RHOA: variants seen among roughly 807,000 people sequenced by gnomAD.
RHOA encodes the protein transforming protein RhoA.
RHOA carries 3 observed loss-of-function variants against 17.5 expected under a neutral mutation model. The ratio of observed to expected loss-of-function variants is 0.17; its 90% confidence interval spans 0.08 to 0.44. RHOA has a LOEUF of 0.44. Among genes scored for constraint, RHOA ranks in the 20% least tolerant of loss-of-function variants. RHOA has a pLI of 0.99. For missense variants in RHOA, 56 were observed against 242.3 expected (o/e 0.23, Z 5.10); for synonymous variants, 98 against 88.4 (o/e 1.11, Z -0.61).
At chr3:49,393,007 T>C (rs2048534763) in intron 1 of RHOA, among the ~76,000 whole-genome samples, 1 of 151,844 alleles carries the variant, frequency 6.6e-6, no homozygotes, top group Non-Finnish European at 1.5e-5. Flanking sequence ...TCAAACCCCG[T>C]CTCTACTAAA....
intron 1 of RHOA, among the ~76,000 whole-genome samples, chr3:49,392,792 C>T (rs959962796): frequency 6.6e-6 from 1 of 152,206 alleles, no homozygotes; most frequent in Non-Finnish European, 1.5e-5. Flanking sequence ...CTGTTCTAAA[C>T]ATGTCTCCCA....
chr3:49,407,407 G>A (rs796379611), intron 1 of RHOA, among the ~76,000 whole-genome samples: 1 of 151,860 alleles, frequency 6.6e-6, no homozygotes, highest in Non-Finnish European at 1.5e-5. Context: ...CTAATGTTTT[G>A]TATTTTTAGT....
intron 1 of RHOA, among the ~76,000 whole-genome samples, chr3:49,397,131 A>C (rs2048629413): frequency 6.9e-6 from 1 of 145,102 alleles, no homozygotes; most frequent in Non-Finnish European, 1.5e-5. Flanking sequence ...TCCTGTCTCA[A>C]AAAAAAAAAA....
At chr3:49,400,219 A>AC (rs1559516671) in intron 1 of RHOA, among the ~76,000 whole-genome samples, 5 of 9,818 alleles carry the variant, frequency 5.1e-4, no homozygotes, top group African/African-American at 6.0e-4. Flanking sequence ...CTCAAAAAAA[A>AC]AAAAAAACAA....
intron 1 of RHOA, among the ~76,000 whole-genome samples, chr3:49,392,060 C>T (rs1177857506): frequency 6.6e-6 from 1 of 150,780 alleles, no homozygotes; most frequent in Non-Finnish European, 1.5e-5. Context: ...ACTCCTATCT[C>T]AAGTGATCCA....
chr3:49,360,217 C>T lies in RHOA; in HGVS notation c.574G>A (p.Val192Ile), dbSNP rs755060419. The T allele has an allele frequency of 6.2e-7, 1 of 1,613,156 alleles. No homozygotes were observed. Among genetic ancestry groups the T allele is most frequent in the South Asian group, 1.1e-5 (1 of 90,844 alleles). The change falls in exon 5 of 5, where the codon GTC (valine) becomes ATC (isoleucine). Residue 192 changes from valine (V) to isoleucine (I), a missense_variant. Transcript: ENST00000418115. Reference protein sequence around the residue: ...RRGKKKSGCLVL With the variant: ...RRGKKKSGCLIL ...GTGCTTGCAGCAAGGTTTCACAAGACAAGGCACCCAGATTTTTTCTTCCCA... is the reference window on the plus strand; with the variant it reads ...GTGCTTGCAGCAAGGTTTCACAAGATAAGGCACCCAGATTTTTTCTTCCCA...
At chr3:49,395,045 C>T (rs1056297519) in intron 1 of RHOA, among the ~76,000 whole-genome samples, 1 of 151,438 alleles carries the variant, frequency 6.6e-6, no homozygotes, top group East Asian at 2.0e-4. Flanking sequence ...GTCAGGAGAT[C>T]GAGACCATCT....
chr3:49,408,251 CAT>C (rs1226863751), intron 1 of RHOA, among the ~76,000 whole-genome samples: 14 of 130,950 alleles, frequency 1.1e-4, no homozygotes, highest in Non-Finnish European at 1.7e-4. Context: ...TATATGTACA[CAT>C]ATATATACGT....
At chr3:49,389,716 CG>C (rs1310705846) in intron 1 of RHOA, among the ~76,000 whole-genome samples, 1 of 151,484 alleles carries the variant, frequency 6.6e-6, no homozygotes, top group Non-Finnish European at 1.5e-5. Context: ...CCGAGGCAGG[CG>C]GATCACGAGG....
At chr3:49,360,416 A>C in intron 4 of RHOA, 34 bp from the exon 5 acceptor site, 1 of 1,584,354 alleles carries the variant, frequency 6.3e-7, no homozygotes, top group Non-Finnish European at 8.6e-7. Flanking sequence ...CTTTTAGCTA[A>C]TAGTGTGGCA....
At chr3:49,364,763 G>A (rs1055989384) in intron 3 of RHOA, among the ~76,000 whole-genome samples, 1 of 151,964 alleles carries the variant, frequency 6.6e-6, no homozygotes, top group African/African-American at 2.4e-5. Flanking sequence ...AGGTGGATCA[G>A]GAGTTTGAGA....
chr3:49,385,568 C>G (rs541131348), intron 1 of RHOA, among the ~76,000 whole-genome samples: 1 of 152,082 alleles, frequency 6.6e-6, no homozygotes, highest in South Asian at 2.1e-4. Context: ...TGATGATGCC[C>G]TTTGGGGCAC....
Position 49,381,233 on chromosome 3 carries a change from C to T in RHOA, c.-2-5642G>A, listed in dbSNP as rs553632970. 2.8e-3 allele frequency among the ~76,000 whole-genome samples: 417 copies of T among 151,536 alleles called. 3 individuals are homozygous for T. Among genetic ancestry groups the T allele is most frequent in the African/African-American group, 9.3e-3 (386 of 41,292 alleles). ...CAGCCTGGCCAACATTGTGAAACCC[C>T]GTCTCTACAAAAAATATAAAAATAA... On this transcript the variant is annotated intron_variant, in intron 1 of 4. Transcript: ENST00000418115.
chr3:49,362,706 G>A (rs964484142), intron 3 of RHOA, 80 bp from the exon 4 acceptor site: 9 of 1,211,218 alleles, frequency 7.4e-6, no homozygotes, highest in South Asian at 1.5e-5. Context: ...TGAAATTGCA[G>A]AGACACTTTC....
Position 49,360,739 on chromosome 3 carries a change from T to G in RHOA, c.409-357A>C, listed in dbSNP as rs548778499. On this transcript the variant is annotated intron_variant, in intron 4 of 4. Coordinates refer to ENST00000418115, the MANE Select transcript of RHOA (RefSeq NM_001664.4). ...CTCCCAAAGTGCTGGGATACAGGCA[T>G]GAGCCACTGTACCCAGCCTAAAAAA... Among the ~76,000 whole-genome samples, 8 of 150,402 alleles carry G rather than the reference T, an allele frequency of 5.3e-5. No homozygotes were observed. In the East Asian group the frequency reaches 1.6e-3, roughly 31 times the overall value.
Position 49,400,593 on chromosome 3 carries a change from C to T in RHOA, c.-3+11227G>A, listed in dbSNP as rs140889147. Among the ~76,000 whole-genome samples, 12 of 151,976 alleles carry T rather than the reference C, an allele frequency of 7.9e-5. 1 individual carries two copies. Among genetic ancestry groups the T allele is most frequent in the African/African-American group, 2.7e-4 (11 of 41,434 alleles). On this transcript the variant is annotated intron_variant, in intron 1 of 4. Transcript: ENST00000418115. Reference sequence around the variant, plus strand: ...GACTGTATCAGGACTTGGTGCCATGCGTCTGTAATCCTAGCTACTCAGGAG... The same window carrying T: ...GACTGTATCAGGACTTGGTGCCATGTGTCTGTAATCCTAGCTACTCAGGAG...
intron 1 of RHOA, among the ~76,000 whole-genome samples, chr3:49,384,323 T>C (rs895704975): frequency 1.3e-5 from 2 of 152,152 alleles, no homozygotes; most frequent in African/African-American, 4.8e-5. Context: ...CAGCATTCTT[T>C]ACAAGTACAT....
chr3:49,379,805 C>G (rs185021820), intron 1 of RHOA, among the ~76,000 whole-genome samples: 1 of 152,144 alleles, frequency 6.6e-6, no homozygotes, highest in African/African-American at 2.4e-5. Flanking sequence ...CGTGAGCCAC[C>G]GCACCCAGCC....
At chr3:49,393,476 G>C (rs939766698) in intron 1 of RHOA, among the ~76,000 whole-genome samples, 20 of 151,618 alleles carry the variant, frequency 1.3e-4, no homozygotes, top group African/African-American at 4.1e-4. Context: ...TTGGCTAATT[G>C]CTGTAGAGAT....
Sources: gnomAD v4.1 joint callset for allele counts (sites outside exome capture counted in the v4.1 genomes callset) on GRCh38, gnomAD v4.1.1 for gene constraint, MANE v1.5 for transcripts, NCBI Gene and HGNC (gene_info 2026-07-23, HGNC 2026-07-21) for gene names.